TRAPPC3L: variants seen among roughly 807,000 people sequenced by gnomAD.
The protein encoded by TRAPPC3L is trafficking protein particle complex subunit 3L, also known as trafficking protein particle complex subunit 3-like protein.
Under a neutral mutation model 23.7 loss-of-function variants are expected in TRAPPC3L, and 23 were observed. The observed-to-expected ratio is 0.97, with a 90% CI of 0.70 to 1.37. The LOEUF is 1.37. TRAPPC3L is among the 40% of genes most tolerant of loss of function. TRAPPC3L has a pLI of 0.00. For synonymous variants in TRAPPC3L, 81 were observed against 77.9 expected (o/e 1.04, Z -0.21); for missense variants, 212 against 216.8 (o/e 0.98, Z 0.14).
intron 3 of TRAPPC3L, 90 bp downstream of exon 3, chr6:116,540,273 G>A: frequency 8.2e-7 from 1 of 1,217,416 alleles, no homozygotes; most frequent in Non-Finnish European, 1.2e-6. Flanking sequence ...AATGCAGATG[G>A]AACCTGTCCA....
chr6:116,520,910 G>A (rs906117787), intron 3 of TRAPPC3L: 1 of 151,596 alleles, frequency 6.6e-6, no homozygotes, highest in Non-Finnish European at 1.5e-5. Flanking sequence ...GTTTTACAGT[G>A]AGCATTTTTT....
At chr6:116,497,189 C>T (rs1393363334) in intron 4 of TRAPPC3L, 116 bp from the exon 5 acceptor site, 10 of 1,342,608 alleles carry the variant, frequency 7.4e-6, no homozygotes. Context: ...TTTAAAAAAG[C>T]TTGTTCGTGG....
At chr6:116,515,899 C>G (rs768483579) in intron 3 of TRAPPC3L, 1 of 1,613,768 alleles carries the variant, frequency 6.2e-7, no homozygotes, top group African/African-American at 1.3e-5. Context: ...ACTATAGCAC[C>G]CTCCACAGAG....
At chr6:116,541,406 A>G (rs1773447991) in intron 2 of TRAPPC3L, among the ~76,000 whole-genome samples, 1 of 152,186 alleles carries the variant, frequency 6.6e-6, no homozygotes, top group South Asian at 2.1e-4. Context: ...AAGTGAAACG[A>G]TTTCCAGTGG....
At chr6:116,527,431 C>T (rs191552327) in intron 3 of TRAPPC3L, among the ~76,000 whole-genome samples, 13 of 145,828 alleles carry the variant, frequency 8.9e-5, no homozygotes, top group East Asian at 2.1e-4. Flanking sequence ...AGGAGAATGG[C>T]GTGAACCGGG....
At chr6:116,507,606 T>A (rs747089531) in intron 3 of TRAPPC3L, among the ~76,000 whole-genome samples, 1 of 152,078 alleles carries the variant, frequency 6.6e-6, no homozygotes, top group African/African-American at 2.4e-5. Context: ...GTTGGCAGAT[T>A]TAAAAAAAAC....
intron 3 of TRAPPC3L, among the ~76,000 whole-genome samples, chr6:116,536,474 AAGGCAG>A (rs1456593742): frequency 2.0e-5 from 3 of 152,204 alleles, no homozygotes; most frequent in African/African-American, 7.2e-5. Flanking sequence ...TTCTCTCGCA[AAGGCAG>A]AGGCGTGCTG....
rs552147300 is a variant in TRAPPC3L at position 116,511,072 on chromosome 6, CG to C, written c.241-10407del. Among the ~76,000 whole-genome samples the C allele has an allele frequency of 5.0e-3, 745 of 147,768 alleles. 4 individuals carry two copies. The highest frequency in any genetic ancestry group is 0.025 in the Middle Eastern group (7 of 278). On this transcript the variant is annotated intron_variant, in intron 3 of 4. Coordinates refer to ENST00000368602, the MANE Select transcript of TRAPPC3L (RefSeq NM_001139444.3). Reference sequence around the variant, plus strand: ...TACATATTGGGTACACATACATATCCGGTGATGGGTGCACTAAAATCTCATA... The same window carrying C: ...TACATATTGGGTACACATACATATCCGTGATGGGTGCACTAAAATCTCATA...
chr6:116,533,433 A>G (rs761094110), intron 3 of TRAPPC3L, among the ~76,000 whole-genome samples: 25 of 152,218 alleles, frequency 1.6e-4, no homozygotes, highest in Non-Finnish European at 3.2e-4. Flanking sequence ...TCTAGCAAGA[A>G]AAACACGTGG....
chr6:116,512,965 T>C (rs147029151), intron 3 of TRAPPC3L, among the ~76,000 whole-genome samples: 1 of 152,332 alleles, frequency 6.6e-6, no homozygotes, highest in African/African-American at 2.4e-5. Context: ...ATCATATCTT[T>C]ACCTAATTGA....
chr6:116,533,939 T>C (rs1772909628), intron 3 of TRAPPC3L, among the ~76,000 whole-genome samples: 1 of 152,148 alleles, frequency 6.6e-6, no homozygotes, highest in African/African-American at 2.4e-5. Flanking sequence ...AGCCCATTGT[T>C]CCCTGCCGGC....
intron 3 of TRAPPC3L, among the ~76,000 whole-genome samples, chr6:116,531,772 TAGC>T (rs1373949400): frequency 2.0e-5 from 3 of 151,942 alleles, no homozygotes; most frequent in African/African-American, 7.2e-5. Context: ...GACCTCAGAG[TAGC>T]AGAATGAATA....
intron 3 of TRAPPC3L, among the ~76,000 whole-genome samples, chr6:116,539,413 GA>G (rs1345978655): frequency 1.3e-5 from 2 of 152,046 alleles, no homozygotes; most frequent in African/African-American, 2.4e-5. Flanking sequence ...TGAGTAAATG[GA>G]AAAATCTTTC....
intron 4 of TRAPPC3L, among the ~76,000 whole-genome samples, chr6:116,499,521 C>G (rs1419672517): frequency 6.6e-6 from 1 of 152,164 alleles, no homozygotes; most frequent in African/African-American, 2.4e-5. Flanking sequence ...ATATGAATCC[C>G]TTTTCTTAAA....
At chr6:116,509,589 C>G (rs1447085114) in intron 3 of TRAPPC3L, among the ~76,000 whole-genome samples, 3 of 152,122 alleles carry the variant, frequency 2.0e-5, no homozygotes, top group African/African-American at 4.8e-5. Context: ...GACACTGTAT[C>G]CATTAAAAGG....
At chr6:116,544,182 A>AGAGAGAGAGAGAGAGAGAGAGAG (rs1773633634) in intron 1 of TRAPPC3L, among the ~76,000 whole-genome samples, 1 of 150,068 alleles carries the variant, frequency 6.7e-6, no homozygotes, top group Non-Finnish European at 1.5e-5. Flanking sequence ...AGAGAGAGAG[A>AGAGAGAGAGAGAGAGAGAGAGAG]ATGATGAGAT....
intron 3 of TRAPPC3L, among the ~76,000 whole-genome samples, chr6:116,538,687 C>T (rs1475477441): frequency 1.3e-5 from 2 of 151,788 alleles, no homozygotes; most frequent in African/African-American, 2.4e-5. Context: ...TTGGTCAATG[C>T]TCTACCGCCT....
intron 3 of TRAPPC3L, among the ~76,000 whole-genome samples, chr6:116,533,481 A>C (rs1772870614): frequency 6.6e-6 from 1 of 152,148 alleles, no homozygotes; most frequent in Admixed American, 6.5e-5. Context: ...AGACAGCTAG[A>C]GTTGCACTGA....
chr6:116,542,870 T>C (rs1250491562), intron 2 of TRAPPC3L, among the ~76,000 whole-genome samples: 1 of 152,112 alleles, frequency 6.6e-6, no homozygotes, highest in African/African-American at 2.4e-5. Context: ...ACTACCATTG[T>C]GAGTTTCTTG....
Sources: allele counts gnomAD v4.1 joint callset (sites outside exome capture counted in the v4.1 genomes callset), GRCh38; gene constraint gnomAD v4.1.1; transcripts MANE v1.5; gene names NCBI Gene and HGNC (gene_info 2026-07-23, HGNC 2026-07-21).